RANBP9: variants seen among roughly 807,000 people sequenced by gnomAD.
RANBP9 encodes the protein RAN binding protein 9.
RANBP9 carries 15 observed loss-of-function variants against 84.3 expected under a neutral mutation model. The ratio of observed to expected loss-of-function variants is 0.18; its 90% CI spans 0.12 to 0.27. RANBP9 has a LOEUF of 0.27. RANBP9 is among the 10% of genes least tolerant of loss of function. RANBP9 has a pLI of 1.00. For missense variants in RANBP9, 809 were observed against 912.8 expected, an observed-to-expected ratio of 0.89 and a Z score of 1.46; for synonymous variants, 392 against 349.6, an observed-to-expected ratio of 1.12 and a Z score of -1.35.
chr6:13,622,539 T>C, intron 13 of RANBP9, 47 bp from the exon 14 acceptor site: 1 of 1,498,946 alleles, frequency 6.7e-7, no homozygotes, highest in Middle Eastern at 1.8e-4. Flanking sequence ...AGCAAGACAT[T>C]TTAAAAAACA....
At chr6:13,648,368 G>T (rs1162813344) in intron 5 of RANBP9, among the ~76,000 whole-genome samples, 2 of 151,860 alleles carry the variant, frequency 1.3e-5, no homozygotes, top group Admixed American at 1.3e-4. Context: ...GGATAGTCTT[G>T]ATCTCTTGAT....
At chr6:13,670,097 A>G (rs1387929532) in intron 2 of RANBP9, among the ~76,000 whole-genome samples, 1 of 152,160 alleles carries the variant, frequency 6.6e-6, no homozygotes, top group Non-Finnish European at 1.5e-5. Context: ...GTTCAAGACC[A>G]GCCTAGCCGA....
intron 2 of RANBP9, among the ~76,000 whole-genome samples, chr6:13,669,530 A>G (rs1001208458): frequency 6.6e-6 from 1 of 152,218 alleles, no homozygotes. Context: ...AAACAGACAT[A>G]GAGATCAATG....
At chr6:13,667,196 A>G (rs1420289692) in intron 2 of RANBP9, among the ~76,000 whole-genome samples, 1 of 152,228 alleles carries the variant, frequency 6.6e-6, no homozygotes, top group Admixed American at 6.5e-5. Context: ...TGTGCCTAAC[A>G]TACAATGGAG....
intron 5 of RANBP9, among the ~76,000 whole-genome samples, chr6:13,651,889 C>A (rs1765306464): frequency 6.6e-6 from 1 of 152,128 alleles, no homozygotes; most frequent in African/African-American, 2.4e-5. Flanking sequence ...TGATCATCTG[C>A]TACTACATAT....
At chr6:13,706,110 G>A (rs781240428) in intron 1 of RANBP9, among the ~76,000 whole-genome samples, 24 of 152,152 alleles carry the variant, frequency 1.6e-4, no homozygotes, top group Non-Finnish European at 3.2e-4. Flanking sequence ...TTGGGAGGCC[G>A]AGGCGAGTGG....
At chr6:13,645,523 TTC>T (rs1584920071) in intron 5 of RANBP9, among the ~76,000 whole-genome samples, 1 of 152,186 alleles carries the variant, frequency 6.6e-6, no homozygotes, top group African/African-American at 2.4e-5. Context: ...CAGAATGAGT[TTC>T]TGAGTGGCTA....
rs143766649 is a variant in RANBP9, at chr6:13,674,426, T to C, written c.684-15594A>G. 2.1e-3 allele frequency among the ~76,000 whole-genome samples: 323 copies of C among 152,296 alleles called. 6 individuals carry two copies. Among genetic ancestry groups the C allele is most frequent in the East Asian group, 0.018 (93 of 5,174 alleles). ...AATTATCGGAGAAAAACAGGAATAGTACATAATGATCAAGGATCAATTATC... is the reference window on the plus strand; with the variant it reads ...AATTATCGGAGAAAAACAGGAATAGCACATAATGATCAAGGATCAATTATC... On this transcript the variant is annotated intron_variant, in intron 2 of 13. Coordinates refer to ENST00000011619, the MANE Select transcript of RANBP9 (RefSeq NM_005493.3).
chr6:13,699,755 A>G (rs1372917049), intron 1 of RANBP9, among the ~76,000 whole-genome samples: 1 of 152,150 alleles, frequency 6.6e-6, no homozygotes, highest in African/African-American at 2.4e-5. Context: ...CCAGCTACTC[A>G]GGAGGCTGAG....
At chr6:13,655,607 A>G (rs929230916) in intron 4 of RANBP9, among the ~76,000 whole-genome samples, 1 of 152,220 alleles carries the variant, frequency 6.6e-6, no homozygotes, top group African/African-American at 2.4e-5. Context: ...AATATTTGTG[A>G]AAATAGGGAA....
intron 2 of RANBP9, among the ~76,000 whole-genome samples, chr6:13,659,753 ATTAT>A (rs1277441067): frequency 6.6e-6 from 1 of 152,188 alleles, no homozygotes; most frequent in Admixed American, 6.5e-5. Context: ...ATAAAAGGAA[ATTAT>A]TTAACTATGA....
intron 12 of RANBP9, 113 bp downstream of exon 12, chr6:13,632,257 G>A: frequency 1.1e-6 from 1 of 949,874 alleles, no homozygotes; most frequent in Non-Finnish European, 1.5e-6. Flanking sequence ...CCAGGGGGAA[G>A]GTCAGGTCCC....
At chr6:13,695,399 A>ATTTTT (rs1310915112) in intron 2 of RANBP9, among the ~76,000 whole-genome samples, 1 of 106,502 alleles carries the variant, frequency 9.4e-6, no homozygotes, top group African/African-American at 4.0e-5. Context: ...CACCAACCAA[A>ATTTTT]TGTTTTTTTT....
chr6:13,703,328 A>C (rs576876346), intron 1 of RANBP9, among the ~76,000 whole-genome samples: 1 of 151,964 alleles, frequency 6.6e-6, no homozygotes, highest in African/African-American at 2.4e-5. Flanking sequence ...TCTCTTTCAA[A>C]TACTCTGAGT....
chr6:13,656,435 T>A (rs1765403905), intron 4 of RANBP9, among the ~76,000 whole-genome samples: 1 of 152,172 alleles, frequency 6.6e-6, no homozygotes, highest in South Asian at 2.1e-4. Flanking sequence ...TGGAATATAA[T>A]GACCACATAT....
At chr6:13,700,213 C>G (rs956198986) in intron 1 of RANBP9, among the ~76,000 whole-genome samples, 1 of 152,184 alleles carries the variant, frequency 6.6e-6, no homozygotes, top group Non-Finnish European at 1.5e-5. Context: ...CCACTCCCTT[C>G]CAGTCGCCAA....
chr6:13,653,623 T>C (rs2127769268), intron 4 of RANBP9, among the ~76,000 whole-genome samples: 1 of 152,240 alleles, frequency 6.6e-6, no homozygotes, highest in African/African-American at 2.4e-5. Context: ...TAAGGTCTCT[T>C]CCTACTTGAC....
At chr6:13,691,117 A>C (rs1440137649) in intron 2 of RANBP9, among the ~76,000 whole-genome samples, 1 of 151,646 alleles carries the variant, frequency 6.6e-6, no homozygotes, top group African/African-American at 2.4e-5. Flanking sequence ...GCAGTGAGCC[A>C]AGATTGTGCC....
intron 2 of RANBP9, among the ~76,000 whole-genome samples, chr6:13,668,985 C>T (rs1187874751): frequency 6.6e-6 from 1 of 151,970 alleles, no homozygotes; most frequent in Non-Finnish European, 1.5e-5. Context: ...ATAGAAAATC[C>T]TAAAGAATCT....
Sources: gnomAD v4.1 joint callset for allele counts (sites outside exome capture counted in the v4.1 genomes callset) on GRCh38, gnomAD v4.1.1 for gene constraint, MANE v1.5 for transcripts, NCBI Gene and HGNC (gene_info 2026-07-23, HGNC 2026-07-21) for gene names.